The following EFCAB3 variants were observed in gnomAD, a reference collection of about 807,000 sequenced individuals.
The protein encoded by EFCAB3 is EF-hand calcium binding domain 3.
A neutral mutation model predicts 42.2 loss-of-function variants in EFCAB3; 36 were observed. The observed-to-expected ratio is 0.85, with a 90% CI of 0.65 to 1.13. The LOEUF is 1.13. Ranked by LOEUF, EFCAB3 falls within the 50% of genes most tolerant of loss-of-function variation. The pLI is 0.00. For synonymous variants in EFCAB3, 170 were observed against 172.8 expected, an observed-to-expected ratio of 0.98 and a Z score of 0.13; for missense variants, 418 against 505.1, an observed-to-expected ratio of 0.83 and a Z score of 1.65.
Position 62,407,095 on chromosome 17 carries a change from TGGGGTGGTGATGGGAAA to T in EFCAB3, c.752_768del (p.Gly251AlafsTer21). On this transcript the variant is annotated frameshift_variant, in exon 8 of 10. Transcript: ENST00000305286. LOFTEE classifies it high-confidence loss of function. ...TCTTTCCATTGTTCCCTAATGTGGA[TGGGGTGGTGATGGGAAA>T]GCCATTCAAAGACATGCAGAAATTA... is the stretch of plus-strand genomic sequence containing the variant. 6.2e-7 allele frequency: 1 copy of T among 1,613,162 alleles called. No individual in the cohort carries two copies. Among genetic ancestry groups the T allele is most frequent in the Non-Finnish European group, 8.5e-7 (1 of 1,179,610 alleles).
intron 2 of EFCAB3, among the ~76,000 whole-genome samples, chr17:62,384,802 C>T (rs1461779238): frequency 1.3e-5 from 2 of 152,172 alleles, no homozygotes; most frequent in Admixed American, 6.5e-5. Flanking sequence ...TACAGTGGTA[C>T]AAAAGCCATA....
intron 5 of EFCAB3, among the ~76,000 whole-genome samples, chr17:62,393,889 C>T (rs528315981): frequency 1.5e-4 from 23 of 152,246 alleles, no homozygotes; most frequent in African/African-American, 4.3e-4. Context: ...TGGTCTCCAA[C>T]GAGAACACTG....
intron 6 of EFCAB3, among the ~76,000 whole-genome samples, chr17:62,395,907 A>G (rs2070344630): frequency 6.6e-6 from 1 of 152,096 alleles, no homozygotes; most frequent in Non-Finnish European, 1.5e-5. Context: ...AATTCCACCA[A>G]CAATGTAAAA....
intron 1 of EFCAB3, among the ~76,000 whole-genome samples, chr17:62,372,818 C>T (rs2070123395): frequency 6.6e-6 from 1 of 152,162 alleles, no homozygotes; most frequent in Non-Finnish European, 1.5e-5. Flanking sequence ...CCCACGGCAA[C>T]ATAGCCCCCA....
At chr17:62,385,911 T>A (rs1044704367) in intron 2 of EFCAB3, among the ~76,000 whole-genome samples, 18 of 150,342 alleles carry the variant, frequency 1.2e-4, no homozygotes. Context: ...TAATTTTTAG[T>A]AGAGGCGGGG....
At chr17:62,378,924 A>T (rs1023457520), upstream of EFCAB3, among the ~76,000 whole-genome samples, 20 of 145,776 alleles carry the variant, frequency 1.4e-4, no homozygotes, top group African/African-American at 5.0e-4. Context: ...AAAGTATAAC[A>T]AAAAAAAAAA....
At position 62,413,821 on chromosome 17, in the gene EFCAB3, T is replaced by C. The variant is rs1478231247; in HGVS notation, c.957T>C (p.Cys319=). The change falls in exon 9 of 10, where the codon TGT becomes TGC. Residue 319 remains cysteine (C), a synonymous_variant. Transcript: ENST00000305286. Reference sequence around the variant, plus strand: ...AAATGCTCAAGAAAAAGCAGACTTGTACAGTGGCCGATGCAACTGCTATTA... The same window carrying C: ...AAATGCTCAAGAAAAAGCAGACTTGCACAGTGGCCGATGCAACTGCTATTA... ...IDQMLKKKQT[C]TVADATAIKQ... 1.2e-6 allele frequency: 2 copies of C among 1,613,232 alleles called. No homozygotes were observed. Among genetic ancestry groups the C allele is most frequent in the Non-Finnish European group, 1.7e-6 (2 of 1,179,612 alleles).
Position 62,391,836 on chromosome 17 carries a change from T to C in EFCAB3, c.166T>C (p.Tyr56His). The change falls in exon 4 of 10, where the codon TAC becomes CAC. Residue 56 changes from tyrosine (Y) to histidine (H), a missense_variant. Transcript: ENST00000305286. ...TATCTCCCCAGCTTTCCAAGATGCC[T>C]ACAACTTCTTCTACAAGGACAAAAC... The part of the protein sequence containing the change: ...ASQMAAFQDA[Y>H]NFFYKDKTGC... 6.2e-7 allele frequency: 1 copy of C among 1,613,600 alleles called. No homozygotes were observed. The highest frequency in any genetic ancestry group is 8.5e-7 in the Non-Finnish European group (1 of 1,179,708).
intron 6 of EFCAB3, chr17:62,397,699 C>T (rs576277884): frequency 5.1e-5 from 28 of 545,976 alleles, no homozygotes; most frequent in Middle Eastern, 5.5e-4. Flanking sequence ...TTGAGAAAAA[C>T]GATAAAGTTC....
At chr17:62,411,856 A>AGAAG (rs1179394697) in intron 8 of EFCAB3, among the ~76,000 whole-genome samples, 70 of 56,186 alleles carry the variant, frequency 1.2e-3, no homozygotes, top group African/African-American at 3.9e-3. Context: ...AAGGAAGGAA[A>AGAAG]GAAGGAAGGA....
chr17:62,408,437 C>T (rs1385480450), intron 8 of EFCAB3, among the ~76,000 whole-genome samples: 1 of 152,176 alleles, frequency 6.6e-6, no homozygotes, highest in African/African-American at 2.4e-5. Flanking sequence ...GATTGAAACC[C>T]TCCAATGGCT....
intron 2 of EFCAB3, among the ~76,000 whole-genome samples, chr17:62,375,448 A>G (rs758519358): frequency 2.8e-4 from 42 of 152,226 alleles, no homozygotes; most frequent in Non-Finnish European, 1.6e-4. Context: ...ATGTTCACCA[A>G]TAAGTATTTT....
rs115453197 is a variant in EFCAB3, at chr17:62,395,104, A to G, written c.404A>G (p.Asn135Ser). Residue 135 changes from asparagine to serine, a missense_variant, in exon 6 of 10, where the codon AAC becomes AGC. Transcript: ENST00000305286. ...EKETCLDLAG[N>S]PGILLFEILS... ...GAGACCTGTTTAGATTTGGCTGGCA[A>G]CCCAGGAATCCTATTGTTTGAAATC... is the stretch of plus-strand genomic sequence containing the variant. 294 of 1,614,136 alleles carry G rather than the reference A, an allele frequency of 1.8e-4. No homozygotes were observed. The African/African-American group carries it at 3.6e-3, about 20-fold the overall frequency.
chr17:62,416,052 G>A lies in EFCAB3; in HGVS notation c.1040G>A (p.Arg347Gln), dbSNP rs150904291. The A allele has an allele frequency of 8.1e-6, 13 of 1,613,806 alleles. No individual in the cohort carries two copies. Among genetic ancestry groups the A allele is most frequent in the South Asian group, 4.4e-5 (4 of 91,064 alleles). Residue 347 changes from arginine to glutamine, a missense_variant, in exon 10 of 10, where the codon CGA becomes CAA. Coordinates refer to ENST00000305286, the MANE Select transcript of EFCAB3 (RefSeq NM_173503.4). ...TYNLGIALEH[R>Q]KEMLNLWQKI... ...AATTTAGGAATTGCCCTTGAACACCGAAAAGAGATGCTAAACCTCTGGCAG... is the reference window on the plus strand; with the variant it reads ...AATTTAGGAATTGCCCTTGAACACCAAAAAGAGATGCTAAACCTCTGGCAG...
At chr17:62,396,655 G>A (rs989833344) in intron 6 of EFCAB3, among the ~76,000 whole-genome samples, 1 of 152,064 alleles carries the variant, frequency 6.6e-6, no homozygotes, top group African/African-American at 2.4e-5. Context: ...CTACTCAGGG[G>A]GCTGAGATGG....
At chr17:62,378,144 A>G (rs1284734846), upstream of EFCAB3, 1 of 755,992 alleles carries the variant, frequency 1.3e-6, no homozygotes, top group African/African-American at 1.8e-5. Context: ...CTACTTGTCC[A>G]TAAAGTGAAT....
intron 1 of EFCAB3, among the ~76,000 whole-genome samples, chr17:62,381,424 TAAC>T (rs2070197343): frequency 6.6e-6 from 1 of 151,984 alleles, no homozygotes; most frequent in South Asian, 2.1e-4. Context: ...TTGGTTCAAA[TAAC>T]AAGAGAGGGG....
At chr17:62,414,822 G>A (rs2070531158) in intron 9 of EFCAB3, among the ~76,000 whole-genome samples, 1 of 152,014 alleles carries the variant, frequency 6.6e-6, no homozygotes, top group African/African-American at 2.4e-5. Flanking sequence ...GGTTTTTCAG[G>A]GCTGGGCATG....
chr17:62,402,506 T>C (rs1197719906), intron 6 of EFCAB3, among the ~76,000 whole-genome samples: 1 of 152,204 alleles, frequency 6.6e-6, no homozygotes, highest in East Asian at 1.9e-4. Context: ...TGAAGCGCTG[T>C]TGAATTTTGT....
Sources: allele counts gnomAD v4.1 joint callset (sites outside exome capture counted in the v4.1 genomes callset), GRCh38; gene constraint gnomAD v4.1.1; transcripts MANE v1.5; gene names NCBI Gene and HGNC (gene_info 2026-07-23, HGNC 2026-07-21).